The following FANCC variants were observed in gnomAD, a reference collection of about 807,000 sequenced individuals.
The protein encoded by FANCC is FA complementation group C, also known as Fanconi anemia group C protein.
In FANCC, 55 loss-of-function variants were observed where a neutral mutation model predicts 71.3. The ratio of observed to expected loss-of-function variants is 0.77; its 90% CI spans 0.62 to 0.97. The LOEUF (loss-of-function observed/expected upper bound fraction) is 0.97. Among genes scored for constraint, FANCC ranks in the 50% least tolerant of loss-of-function variants. FANCC has a pLI of 0.00. For missense variants in FANCC, 678 were observed against 670.9 expected (o/e 1.01, Z -0.12); for synonymous variants, 275 against 244.9 (o/e 1.12, Z -1.15).
chr9:95,234,714 C>T (rs926042241), intron 4 of FANCC, among the ~76,000 whole-genome samples: 2 of 152,180 alleles, frequency 1.3e-5, no homozygotes, highest in Non-Finnish European at 2.9e-5. Flanking sequence ...AATCAGCTAA[C>T]ACCATTACAG....
chr9:95,274,011 G>C (rs1256650502), intron 1 of FANCC, among the ~76,000 whole-genome samples: 1 of 152,174 alleles, frequency 6.6e-6, no homozygotes, highest in African/African-American at 2.4e-5. Context: ...TGTAAATAGA[G>C]AGTAGGAACC....
At chr9:95,160,897 G>C (rs1466039463) in intron 6 of FANCC, among the ~76,000 whole-genome samples, 2 of 152,182 alleles carry the variant, frequency 1.3e-5, no homozygotes, top group African/African-American at 4.8e-5. Context: ...AGACTTTGCT[G>C]AAGTTGCTTA....
chr9:95,199,363 C>G (rs980630988), intron 4 of FANCC, among the ~76,000 whole-genome samples: 1 of 151,970 alleles, frequency 6.6e-6, no homozygotes, highest in Non-Finnish European at 1.5e-5. Flanking sequence ...TCTCTGCCTC[C>G]TTGGGCCCCT....
At chr9:95,146,074 C>G (rs1382662384) in intron 7 of FANCC, among the ~76,000 whole-genome samples, 2 of 151,934 alleles carry the variant, frequency 1.3e-5, no homozygotes, top group Admixed American at 6.6e-5. Context: ...TGATAAGGAA[C>G]TAATGTCAAT....
chr9:95,201,836 T>C (rs941312690), intron 4 of FANCC, among the ~76,000 whole-genome samples: 1 of 152,146 alleles, frequency 6.6e-6, no homozygotes, highest in African/African-American at 2.4e-5. Flanking sequence ...AGATCCTTTT[T>C]TAAGTCGCAG....
chr9:95,192,432 C>T (rs555286475), intron 4 of FANCC, among the ~76,000 whole-genome samples: 1 of 152,226 alleles, frequency 6.6e-6, no homozygotes, highest in South Asian at 2.1e-4. Flanking sequence ...GACCTCAGTC[C>T]CAGTTTCCCA....
chr9:95,216,313 TAC>T (rs1212347681), intron 4 of FANCC, among the ~76,000 whole-genome samples: 2 of 152,206 alleles, frequency 1.3e-5, no homozygotes, highest in Non-Finnish European at 2.9e-5. Context: ...AATGTGTTTA[TAC>T]ACAGTTACAG....
At position 95,268,710 on chromosome 9, in the gene FANCC, G is replaced by A. The variant is rs371769590; in HGVS notation, c.-78-19341C>T. On this transcript the variant is annotated intron_variant, in intron 1 of 14. Coordinates refer to ENST00000289081, the MANE Select transcript of FANCC (RefSeq NM_000136.3). ...CATTTTTTTTTTCTTTAAAAGGTTA[G>A]AAAACCTCTCATTTAGGTTCCCCTG... Among the ~76,000 whole-genome samples the A allele has an allele frequency of 5.8e-4, 88 of 152,062 alleles. 1 individual carries two copies. In the Middle Eastern group the frequency reaches 0.014, roughly 24 times the overall value.
chr9:95,282,956 A>G (rs910615513), intron 1 of FANCC, among the ~76,000 whole-genome samples: 12 of 152,258 alleles, frequency 7.9e-5, no homozygotes, highest in African/African-American at 2.9e-4. Flanking sequence ...GTTTATAGCA[A>G]TAAATGCCAA....
intron 3 of FANCC, among the ~76,000 whole-genome samples, chr9:95,242,479 CAAAAAAAAAAAAA>C (rs1162048314): frequency 1.8e-5 from 1 of 56,240 alleles, no homozygotes; most frequent in Non-Finnish European, 3.7e-5. Context: ...CATTCACCAC[CAAAAAAAAAAAAA>C]AAAAAAAAGA....
At chr9:95,206,367 G>C (rs1244907291) in intron 4 of FANCC, among the ~76,000 whole-genome samples, 3 of 152,064 alleles carry the variant, frequency 2.0e-5, no homozygotes, top group African/African-American at 7.3e-5. Context: ...GCTGGATCTC[G>C]GTATCTGCCA....
chr9:95,240,881 C>A, intron 3 of FANCC, 138 bp from the exon 4 acceptor site: 1 of 649,888 alleles, frequency 1.5e-6, no homozygotes, highest in Non-Finnish European at 2.8e-6. Context: ...CATTTGCTTT[C>A]TCGCCATCAT....
Position 95,214,838 on chromosome 9 carries a change from G to A in FANCC, c.345+25811C>T, listed in dbSNP as rs147784972. On this transcript the variant is annotated intron_variant, in intron 4 of 14. Coordinates refer to ENST00000289081, the MANE Select transcript of FANCC (RefSeq NM_000136.3). ...AGAGAGAATGTAGAATGGTGGTGCC[G>A]GGGCAGAGGAAATGGAGAATTACTG... 6.4e-3 allele frequency among the ~76,000 whole-genome samples: 976 copies of A among 152,248 alleles called. 7 individuals are homozygous for A. Among genetic ancestry groups the A allele is most frequent in the Non-Finnish European group, 0.011 (724 of 68,024 alleles).
At chr9:95,313,976 G>A (rs1054399148) in intron 1 of FANCC, among the ~76,000 whole-genome samples, 4 of 152,094 alleles carry the variant, frequency 2.6e-5, no homozygotes, top group African/African-American at 4.8e-5. Flanking sequence ...AGCTAACGTC[G>A]TATCTAATGG....
At chr9:95,149,401 T>A (rs1037493057) in intron 7 of FANCC, among the ~76,000 whole-genome samples, 7 of 152,166 alleles carry the variant, frequency 4.6e-5, no homozygotes, top group African/African-American at 1.7e-4. Flanking sequence ...TGTTTACCTA[T>A]GTAACAAACC....
At chr9:95,296,549 G>GTTTCA (rs1427873315) in intron 1 of FANCC, among the ~76,000 whole-genome samples, 3 of 151,822 alleles carry the variant, frequency 2.0e-5, no homozygotes, top group African/African-American at 7.3e-5. Flanking sequence ...TTCCAACAGG[G>GTTTCA]TTTCAGTAAA....
intron 6 of FANCC, among the ~76,000 whole-genome samples, chr9:95,161,108 G>A (rs982231737): frequency 1.3e-5 from 2 of 152,180 alleles, no homozygotes; most frequent in Non-Finnish European, 2.9e-5. Flanking sequence ...AGCTTGCCAA[G>A]AGAGGACTAC....
intron 4 of FANCC, among the ~76,000 whole-genome samples, chr9:95,231,295 T>C (rs981283478): frequency 1.3e-5 from 2 of 152,238 alleles, no homozygotes; most frequent in Non-Finnish European, 2.9e-5. Flanking sequence ...TCAATGGTGG[T>C]TGCAAACACG....
intron 8 of FANCC, among the ~76,000 whole-genome samples, chr9:95,132,466 T>C (rs1827050860): frequency 6.6e-6 from 1 of 152,208 alleles, no homozygotes. Flanking sequence ...GATTATGGTC[T>C]TCCCGTGCCC....
Sources: gnomAD v4.1 joint callset for allele counts (sites outside exome capture counted in the v4.1 genomes callset) on GRCh38, gnomAD v4.1.1 for gene constraint, MANE v1.5 for transcripts, NCBI Gene and HGNC (gene_info 2026-07-23, HGNC 2026-07-21) for gene names.